Variants in NTRK3 observed in about 807,000 individuals in gnomAD.
NTRK3 encodes the protein NT-3 growth factor receptor.
A neutral mutation model predicts 91.7 loss-of-function variants in NTRK3; 24 were observed. The observed-to-expected ratio is 0.26, with a 90% CI of 0.19 to 0.37. The LOEUF is 0.37. NTRK3 is among the 10% of genes least tolerant of loss of function. The probability of loss-of-function intolerance (pLI) is 1.00; values close to 1 mark genes in which losing one functional copy is unlikely to be tolerated. For synonymous variants in NTRK3, 483 were observed against 404.0 expected, an observed-to-expected ratio of 1.20 and a Z score of -2.34; for missense variants, 880 against 1,068.9, an observed-to-expected ratio of 0.82 and a Z score of 2.46.
exon 10 of NTRK3, chr15:88,135,327 A>T (rs2151195077): frequency 6.2e-7 from 1 of 1,614,162 alleles, no homozygotes; most frequent in Non-Finnish European, 8.5e-7. Flanking sequence ...GGGGGTTGCC[A>T]CGCACCACAA....
chr15:88,173,452 C>A (rs752095850), intron 5 of NTRK3, among the ~76,000 whole-genome samples: 11 of 152,236 alleles, frequency 7.2e-5, no homozygotes, highest in Non-Finnish European at 1.3e-4. Flanking sequence ...TCTGCCACTC[C>A]TGCATCGACA....
At chr15:88,038,325 C>A (rs2079259295) in intron 13 of NTRK3, among the ~76,000 whole-genome samples, 1 of 152,206 alleles carries the variant, frequency 6.6e-6, no homozygotes, top group African/African-American at 2.4e-5. Context: ...TCTTACTCAC[C>A]TTTGCTCTTC....
At chr15:87,904,350 G>A (rs1185758653) in intron 17 of NTRK3, among the ~76,000 whole-genome samples, 1 of 151,772 alleles carries the variant, frequency 6.6e-6, no homozygotes. Flanking sequence ...TAGAGACGGG[G>A]TTTCACCATG....
chr15:88,009,248 C>T (rs1312627289), intron 14 of NTRK3, among the ~76,000 whole-genome samples: 1 of 152,140 alleles, frequency 6.6e-6, no homozygotes, highest in South Asian at 2.1e-4. Flanking sequence ...TTACTATATG[C>T]AGAACACTTT....
At chr15:87,997,988 G>A (rs1157514670) in intron 14 of NTRK3, among the ~76,000 whole-genome samples, 1 of 152,192 alleles carries the variant, frequency 6.6e-6, no homozygotes, top group Admixed American at 6.5e-5. Context: ...AACATCATGA[G>A]CTCTAAAGAA....
exon 2 of NTRK3, chr15:88,256,427 G>T (rs1342937738): frequency 9.2e-6 from 5 of 545,662 alleles, no homozygotes; most frequent in Admixed American, 3.7e-5. Flanking sequence ...CCGGCTCGGC[G>T]ATCGCTGACT....
intron 14 of NTRK3, among the ~76,000 whole-genome samples, chr15:87,950,836 C>T (rs1234232168): frequency 1.3e-5 from 2 of 152,060 alleles, no homozygotes; most frequent in Admixed American, 6.6e-5. Context: ...ATTATTGTTA[C>T]GGTTATTATT....
intron 13 of NTRK3, among the ~76,000 whole-genome samples, chr15:88,111,796 T>C (rs1008665205): frequency 6.6e-6 from 1 of 152,216 alleles, no homozygotes; most frequent in Non-Finnish European, 1.5e-5. Context: ...TGTGGACTAC[T>C]GATTGTCATA....
In NTRK3 at chr15:88,131,565, G is replaced by A. The variant is rs58410592; in HGVS notation, c.1205-2831C>T. On this transcript the variant is annotated intron_variant, in intron 10 of 18. Transcript: ENST00000394480. ...GGGGCAGGGGGAGGATGGAGGAAATGGAAGCTCTAGCCTGGGTTTCAGAGC... is the reference window on the plus strand; with the variant it reads ...GGGGCAGGGGGAGGATGGAGGAAATAGAAGCTCTAGCCTGGGTTTCAGAGC... Among the ~76,000 whole-genome samples, 1,035 of 152,298 alleles carry A rather than the reference G, an allele frequency of 6.8e-3. 17 individuals are homozygous for A. The highest frequency in any genetic ancestry group is 0.024 in the African/African-American group (989 of 41,556).
intron 14 of NTRK3, among the ~76,000 whole-genome samples, chr15:87,988,519 A>C (rs1183902177): frequency 6.6e-6 from 1 of 152,206 alleles, no homozygotes; most frequent in Non-Finnish European, 1.5e-5. Flanking sequence ...TGGATGAGAG[A>C]TATAAGGGAA....
At position 88,070,468 on chromosome 15, in the gene NTRK3, A is replaced by C. The variant is rs113092308; in HGVS notation, c.1397-37423T>G. 6.7e-3 allele frequency among the ~76,000 whole-genome samples: 1,015 copies of C among 152,250 alleles called. 14 individuals carry two copies. Among genetic ancestry groups the C allele is most frequent in the Middle Eastern group, 0.041 (12 of 294 alleles). On this transcript the variant is annotated intron_variant, in intron 13 of 18. Transcript: ENST00000394480. Reference sequence around the variant, plus strand: ...TCACAGGTCTGGATGTGGTGAAAGGAGCAGAGAAACATGACAAGGGATACA... The same window carrying C: ...TCACAGGTCTGGATGTGGTGAAAGGCGCAGAGAAACATGACAAGGGATACA...
At chr15:88,113,562 C>T (rs571847510) in intron 13 of NTRK3, among the ~76,000 whole-genome samples, 16 of 152,196 alleles carry the variant, frequency 1.1e-4, no homozygotes, top group African/African-American at 2.4e-4. Context: ...GTGATCCAGC[C>T]GCCTCAGCCT....
chr15:88,248,716 T>C (rs2053078315), intron 3 of NTRK3, among the ~76,000 whole-genome samples: 1 of 152,178 alleles, frequency 6.6e-6, no homozygotes, highest in Admixed American at 6.5e-5. Flanking sequence ...AGGCTAATAA[T>C]AGTACTTATC....
rs571010884 is a variant in NTRK3, at chr15:88,224,278, AAGGCAGAGACT to A, written c.248+31617_248+31627del. On this transcript the variant is annotated intron_variant, in intron 3 of 18. Transcript: ENST00000394480. Reference sequence around the variant, plus strand: ...ACCAGAACTCAGAACCTAGATCTGAAAGGCAGAGACTAGGACAGGCTGAACAGTTGGCCTGC... The same window carrying A: ...ACCAGAACTCAGAACCTAGATCTGAAAGGACAGGCTGAACAGTTGGCCTGC... Among the ~76,000 whole-genome samples the A allele has an allele frequency of 2.9e-3, 447 of 152,306 alleles. 6 individuals are homozygous for A. Among genetic ancestry groups the A allele is most frequent in the African/African-American group, 0.01 (421 of 41,578 alleles).
At chr15:88,228,592 C>A (rs541587584) in intron 3 of NTRK3, among the ~76,000 whole-genome samples, 3 of 152,324 alleles carry the variant, frequency 2.0e-5, no homozygotes, top group African/African-American at 4.8e-5. Context: ...TTCCCCTGGG[C>A]AGAAACAGAC....
At chr15:87,989,947 A>C (rs1045732463) in intron 14 of NTRK3, among the ~76,000 whole-genome samples, 3 of 152,194 alleles carry the variant, frequency 2.0e-5, no homozygotes, top group Non-Finnish European at 4.4e-5. Context: ...TTGAGTGAAA[A>C]TAATTTTTTC....
chr15:88,165,883 A>G (rs2044887551), intron 5 of NTRK3, among the ~76,000 whole-genome samples: 1 of 152,096 alleles, frequency 6.6e-6, no homozygotes, highest in Non-Finnish European at 1.5e-5. Flanking sequence ...GTATGTGCAC[A>G]TGCGCATGAG....
At chr15:87,933,488 T>C (rs74027729) in intron 15 of NTRK3, among the ~76,000 whole-genome samples, 224 of 152,368 alleles carry the variant, frequency 1.5e-3, no homozygotes, top group Middle Eastern at 6.8e-3. Context: ...ACATGGCAGC[T>C]GGAGGGGCTG....
In NTRK3 at chr15:88,243,567, C is replaced by CACACACACACACACAT. The variant is rs1555571958; in HGVS notation, c.248+12338_248+12339insATGTGTGTGTGTGTGT. ...ACACACACACACACACACACACACACACACACACACTGAGCAAAAGGTATT... is the reference window on the plus strand; with the variant it reads ...ACACACACACACACACACACACACACACACACACACACACATACACACACACTGAGCAAAAGGTATT... On this transcript the variant is annotated intron_variant, in intron 3 of 18. Transcript: ENST00000394480. This position sits in a 1 kb window ranked among gnomAD's most constrained non-coding sequence, Gnocchi z 4.8. 1.3e-5 allele frequency among the ~76,000 whole-genome samples: 2 copies of CACACACACACACACAT among 150,548 alleles called. No individual in the cohort carries two copies. Among genetic ancestry groups the CACACACACACACACAT allele is most frequent in the African/African-American group, 4.9e-5 (2 of 40,732 alleles).
Sources: allele counts gnomAD v4.1 joint callset (sites outside exome capture counted in the v4.1 genomes callset), GRCh38; gene constraint gnomAD v4.1.1; non-coding constraint Gnocchi (gnomAD v3.1); transcripts MANE v1.5; gene names NCBI Gene and HGNC (gene_info 2026-07-23, HGNC 2026-07-21).